The following CDH18 variants were observed in gnomAD, a reference collection of about 807,000 sequenced individuals.
CDH18 encodes the protein cadherin 18, also known as cadherin-18.
In CDH18, 31 loss-of-function variants were observed where a neutral mutation model predicts 67.9. That is an observed-to-expected ratio of 0.46 (90% CI 0.34 to 0.62). CDH18 has a LOEUF of 0.62. Ranked by LOEUF, CDH18 falls within the 20% of genes least tolerant of loss-of-function variation. The pLI is 0.01. For synonymous variants in CDH18, 362 were observed against 347.2 expected, an observed-to-expected ratio of 1.04 and a Z score of -0.48; for missense variants, 890 against 975.5, an observed-to-expected ratio of 0.91 and a Z score of 1.17.
At chr5:20,330,048 C>G (rs766567648) in intron 1 of CDH18, among the ~76,000 whole-genome samples, 11 of 151,814 alleles carry the variant, frequency 7.2e-5, no homozygotes, top group Non-Finnish European at 1.3e-4. Flanking sequence ...ACCCCCAAAT[C>G]AAAAGAAATT....
intron 3 of CDH18, among the ~76,000 whole-genome samples, chr5:19,833,468 A>T (rs145989403): frequency 1.1e-3 from 171 of 152,312 alleles, no homozygotes; most frequent in Non-Finnish European, 1.9e-3. Flanking sequence ...ATCTGCAAAC[A>T]GAGACAACTT....
At chr5:19,747,372 T>G in intron 3 of CDH18, 136 bp from the exon 4 acceptor site, 1 of 651,760 alleles carries the variant, frequency 1.5e-6, no homozygotes, top group Non-Finnish European at 2.5e-6. Context: ...GTTACTACTA[T>G]CATTTGCTTT....
intron 5 of CDH18, among the ~76,000 whole-genome samples, chr5:19,676,866 T>C (rs909657242): frequency 6.6e-6 from 1 of 152,070 alleles, no homozygotes; most frequent in African/African-American, 2.4e-5. Context: ...ACTTGTTATT[T>C]AAGCTGCTCA....
At chr5:19,826,139 A>C (rs1379558405) in intron 3 of CDH18, among the ~76,000 whole-genome samples, 4 of 152,074 alleles carry the variant, frequency 2.6e-5, no homozygotes, top group African/African-American at 9.7e-5. Flanking sequence ...TCTCAGACTC[A>C]AAGACTGGTT....
intron 1 of CDH18, among the ~76,000 whole-genome samples, chr5:20,353,060 T>G (rs937735975): frequency 1.3e-5 from 2 of 152,250 alleles, no homozygotes; most frequent in Non-Finnish European, 2.9e-5. Context: ...TTAATTCATT[T>G]TTTTTCCCTA....
intron 2 of CDH18, among the ~76,000 whole-genome samples, chr5:20,099,992 G>A (rs1746318828): frequency 1.3e-5 from 2 of 151,960 alleles, no homozygotes; most frequent in South Asian, 4.2e-4. Flanking sequence ...CACCATGTTG[G>A]CCAGGTTGGT....
intron 1 of CDH18, among the ~76,000 whole-genome samples, chr5:20,264,125 C>T (rs2126641920): frequency 6.6e-6 from 1 of 152,110 alleles, no homozygotes; most frequent in African/African-American, 2.4e-5. Flanking sequence ...TATTTTAATA[C>T]ATATGGATAA....
intron 2 of CDH18, among the ~76,000 whole-genome samples, chr5:20,251,426 G>T (rs1743851068): frequency 6.6e-6 from 1 of 152,098 alleles, no homozygotes. Flanking sequence ...ATTAAGCCAT[G>T]TATGCTACAA....
At chr5:20,059,296 A>AT (rs747031034) in intron 2 of CDH18, among the ~76,000 whole-genome samples, 2 of 151,930 alleles carry the variant, frequency 1.3e-5, no homozygotes, top group Non-Finnish European at 1.5e-5. Flanking sequence ...GGATTCATGG[A>AT]TTTTTTGAAG....
intron 2 of CDH18, among the ~76,000 whole-genome samples, chr5:20,095,372 A>C: frequency 6.9e-6 from 1 of 144,932 alleles, no homozygotes; most frequent in Non-Finnish European, 1.5e-5. Context: ...AAGACAGAAG[A>C]AAGAAAGAAA....
intron 1 of CDH18, among the ~76,000 whole-genome samples, chr5:20,547,003 T>C: frequency 6.6e-6 from 1 of 152,138 alleles, no homozygotes; most frequent in East Asian, 1.9e-4. Context: ...GTTTCTGGTA[T>C]TCCTACACAC....
intron 9 of CDH18, 102 bp from the exon 10 acceptor site, chr5:19,520,880 T>A: frequency 7.9e-7 from 1 of 1,269,504 alleles, no homozygotes; most frequent in South Asian, 1.4e-5. Flanking sequence ...TGGTTCCATA[T>A]GCCATAGCTG....
chr5:20,119,127 T>G (rs898661323), intron 2 of CDH18, among the ~76,000 whole-genome samples: 1 of 152,168 alleles, frequency 6.6e-6, no homozygotes, highest in African/African-American at 2.4e-5. Flanking sequence ...TTTGTAGATT[T>G]TCTGGAAAAA....
At chr5:19,934,039 T>A (rs1446249924) in intron 2 of CDH18, among the ~76,000 whole-genome samples, 1 of 151,296 alleles carries the variant, frequency 6.6e-6, no homozygotes, top group East Asian at 1.9e-4. Context: ...TTCCGGTAGT[T>A]CCAAAAGATA....
At position 20,453,462 on chromosome 5, in the gene CDH18, A is replaced by T. The variant is rs367654460; in HGVS notation, c.-580+122000T>A. ...TTCAAACAACAAATAAGCTAGAAAG[A>T]AATACCCCATGCATTGCTTAGTTTA... is the stretch of plus-strand genomic sequence containing the variant. On this transcript the variant is annotated intron_variant, in intron 1 of 14. Transcript: ENST00000507958. Among the ~76,000 whole-genome samples, 400 of 152,236 alleles carry T rather than the reference A, an allele frequency of 2.6e-3. 14 individuals are homozygous for T. In the South Asian group the frequency reaches 0.048, roughly 18 times the overall value.
chr5:20,541,257 T>C (rs977541969), intron 1 of CDH18, among the ~76,000 whole-genome samples: 2 of 152,318 alleles, frequency 1.3e-5, no homozygotes, highest in Non-Finnish European at 2.9e-5. Context: ...TAAAAATGTC[T>C]CTGCCTACTT....
At chr5:20,351,160 T>TTGTGTGTGTGTGTGTGTGTGTG (rs375375615) in intron 1 of CDH18, among the ~76,000 whole-genome samples, 1 of 132,092 alleles carries the variant, frequency 7.6e-6, no homozygotes. Context: ...GTAAATGTAT[T>TTGTGTGTGTGTGTGTGTGTGTG]TGTGTGTGTG....
At chr5:20,189,086 C>T (rs75054011) in intron 2 of CDH18, among the ~76,000 whole-genome samples, 6,625 of 152,034 alleles carry the variant, frequency 0.044, 200 homozygotes, top group East Asian at 0.14. Flanking sequence ...TGTTGCAATG[C>T]CTTTCATCGC....
intron 11 of CDH18, among the ~76,000 whole-genome samples, chr5:19,496,710 G>A (rs1742390765): frequency 6.6e-6 from 1 of 150,930 alleles, no homozygotes; most frequent in Admixed American, 6.6e-5. Context: ...TACTCGGGAG[G>A]CTGAGTTAGG....
Sources: gnomAD v4.1 joint callset for allele counts (sites outside exome capture counted in the v4.1 genomes callset) on GRCh38, gnomAD v4.1.1 for gene constraint, MANE v1.5 for transcripts, NCBI Gene and HGNC (gene_info 2026-07-23, HGNC 2026-07-21) for gene names.